EFCAB5: variants seen among roughly 807,000 people sequenced by gnomAD.
EFCAB5 encodes the protein EF-hand calcium binding domain 5, also known as EF-hand calcium-binding domain-containing protein 5.
In EFCAB5, 131 loss-of-function variants were observed where a neutral mutation model predicts 167.9. That is an observed-to-expected ratio of 0.78 (90% CI 0.68 to 0.90). EFCAB5 has a LOEUF of 0.90. EFCAB5 is among the 40% of genes least tolerant of loss of function. The pLI is 0.00. For synonymous variants in EFCAB5, 574 were observed against 602.8 expected (o/e 0.95, Z 0.70); for missense variants, 1,663 against 1,745.2 (o/e 0.95, Z 0.84).
At position 30,080,774 on chromosome 17, in the gene EFCAB5, G is replaced by A. The variant is rs1283706831; in HGVS notation, c.3219G>A (p.Gly1073=). The A allele has an allele frequency of 4.4e-6, 7 of 1,607,390 alleles. No individual in the cohort carries two copies. The highest frequency in any genetic ancestry group is 5.9e-6 in the Non-Finnish European group (7 of 1,176,718). ...KGISFTVVDE[G]KPIHVPQVQY... ...TCAGCTTTACAGTAGTGGATGAAGG[G>A]AAGCCAATCCATGTTCCCCAAGTTC... is the stretch of plus-strand genomic sequence containing the variant. The change falls in exon 17 of 23, where the codon GGG becomes GGA. Residue 1073 remains glycine, a synonymous_variant. Transcript: ENST00000394835.
intron 7 of EFCAB5, among the ~76,000 whole-genome samples, chr17:30,024,763 A>C (rs555675718): frequency 2.9e-4 from 44 of 152,296 alleles, no homozygotes; most frequent in African/African-American, 9.9e-4. Flanking sequence ...TGGAGGCATC[A>C]TGCTACCTGA....
intron 3 of EFCAB5, among the ~76,000 whole-genome samples, chr17:29,968,025 C>A (rs1008993120): frequency 1.3e-5 from 2 of 152,064 alleles, no homozygotes; most frequent in East Asian, 3.9e-4. Flanking sequence ...CAGGTGTACG[C>A]CACCATGCCT....
At chr17:29,993,370 A>G in intron 5 of EFCAB5, 49 bp downstream of exon 5, 1 of 1,569,964 alleles carries the variant, frequency 6.4e-7, no homozygotes, top group South Asian at 1.2e-5. Flanking sequence ...TAAGTGGTAA[A>G]AGGGCAATTG....
intron 14 of EFCAB5, among the ~76,000 whole-genome samples, chr17:30,067,784 CCA>C (rs2070614888): frequency 6.6e-6 from 1 of 152,072 alleles, no homozygotes; most frequent in African/African-American, 2.4e-5. Flanking sequence ...ACAAAGATAA[CCA>C]CTTTCACCAC....
At chr17:29,950,126 C>A (rs184220072) in intron 3 of EFCAB5, among the ~76,000 whole-genome samples, 24 of 152,270 alleles carry the variant, frequency 1.6e-4, no homozygotes, top group Non-Finnish European at 3.4e-4. Flanking sequence ...TCTGCCACTC[C>A]AAAACAGCAA....
intron 18 of EFCAB5, among the ~76,000 whole-genome samples, chr17:30,084,305 C>G (rs1347270771): frequency 2.0e-5 from 3 of 152,172 alleles, no homozygotes; most frequent in Non-Finnish European, 2.9e-5. Context: ...GTTTGAAGGG[C>G]CCCAGCTACA....
At chr17:29,948,942 CATT>C (rs1410704895) in intron 3 of EFCAB5, among the ~76,000 whole-genome samples, 2 of 152,136 alleles carry the variant, frequency 1.3e-5, no homozygotes, top group East Asian at 3.9e-4. Flanking sequence ...TTGCAGCAGT[CATT>C]CTACATCATG....
chr17:30,072,030 A>G (rs913759709), intron 14 of EFCAB5, among the ~76,000 whole-genome samples: 3 of 152,194 alleles, frequency 2.0e-5, no homozygotes, highest in African/African-American at 7.2e-5. Flanking sequence ...AGGTTGGTTA[A>G]TGGATACAAA....
intron 19 of EFCAB5, 138 bp downstream of exon 19, chr17:30,087,304 T>G: frequency 1.5e-6 from 1 of 663,776 alleles, no homozygotes; most frequent in Non-Finnish European, 2.4e-6. Flanking sequence ...TTTATTTTAT[T>G]TTAAGTTCTG....
chr17:30,027,132 G>A (rs182414957), intron 7 of EFCAB5, among the ~76,000 whole-genome samples: 8 of 150,538 alleles, frequency 5.3e-5, no homozygotes, highest in South Asian at 2.1e-4. Context: ...GACTACAGGC[G>A]CTTGCCACCA....
At chr17:30,081,045 AGT>A in intron 17 of EFCAB5, 64 bp downstream of exon 17, 2 of 1,350,126 alleles carry the variant, frequency 1.5e-6, no homozygotes, top group Non-Finnish European at 1.0e-6. Context: ...CTTTTTAAAG[AGT>A]GAAACCTGAA....
chr17:30,072,403 C>T (rs1398763683), intron 14 of EFCAB5, among the ~76,000 whole-genome samples: 2 of 151,986 alleles, frequency 1.3e-5, no homozygotes, highest in Non-Finnish European at 2.9e-5. Context: ...TTACAGAAAC[C>T]ATGAAAATTA....
At chr17:30,074,912 A>T (rs2070838563) in intron 14 of EFCAB5, among the ~76,000 whole-genome samples, 1 of 151,912 alleles carries the variant, frequency 6.6e-6, no homozygotes, top group Admixed American at 6.6e-5. Flanking sequence ...CCTCTCTCAG[A>T]TTTCTCAGTG....
chr17:29,990,345 T>G (rs2068387132), intron 4 of EFCAB5, among the ~76,000 whole-genome samples: 1 of 152,238 alleles, frequency 6.6e-6, no homozygotes, highest in South Asian at 2.1e-4. Context: ...CTGCTTTGCC[T>G]TGTTTATTTG....
chr17:30,039,706 G>T (rs2069717617), intron 8 of EFCAB5, among the ~76,000 whole-genome samples: 2 of 152,094 alleles, frequency 1.3e-5, no homozygotes, highest in Non-Finnish European at 2.9e-5. Context: ...TGCCCCAATT[G>T]TCAATCCCAC....
At chr17:30,047,805 A>G (rs1309923705) in intron 8 of EFCAB5, among the ~76,000 whole-genome samples, 2 of 152,234 alleles carry the variant, frequency 1.3e-5, no homozygotes, top group African/African-American at 2.4e-5. Flanking sequence ...TTGAGATACC[A>G]CAATGGAGAA....
In EFCAB5 at chr17:30,068,074, G is replaced by C. The variant is rs570368424; in HGVS notation, c.2737+8373G>C. On this transcript the variant is annotated intron_variant, in intron 14 of 22. Transcript: ENST00000394835. ...TAATCCCAGGACTTTGGGAGGCGGA[G>C]GCGGGTGGATCACCAGTTCAGGAGA... Among the ~76,000 whole-genome samples the C allele has an allele frequency of 1.2e-4, 18 of 152,356 alleles. No homozygotes were observed. The South Asian group carries it at 3.7e-3, about 32-fold the overall frequency.
chr17:29,938,284 A>G (rs985487863), upstream of EFCAB5, among the ~76,000 whole-genome samples: 1 of 149,150 alleles, frequency 6.7e-6, no homozygotes. Flanking sequence ...AAAAATGTGC[A>G]TATCTTAATT....
chr17:29,955,264 C>G (rs1339009890), intron 3 of EFCAB5, among the ~76,000 whole-genome samples: 3 of 152,154 alleles, frequency 2.0e-5, no homozygotes, highest in Non-Finnish European at 4.4e-5. Flanking sequence ...GGCTGTGTCC[C>G]TACCCAAATC....
Sources: gnomAD v4.1 joint callset for allele counts (sites outside exome capture counted in the v4.1 genomes callset) on GRCh38, gnomAD v4.1.1 for gene constraint, MANE v1.5 for transcripts, NCBI Gene and HGNC (gene_info 2026-07-23, HGNC 2026-07-21) for gene names.